Variants in FAM184A observed in about 807,000 individuals in gnomAD.
FAM184A encodes protein FAM184A.
FAM184A carries 99 observed loss-of-function variants against 143.8 expected under a neutral mutation model. The observed-to-expected ratio is 0.69, with a 90% CI of 0.58 to 0.81. The LOEUF (loss-of-function observed/expected upper bound fraction) is 0.81. Ranked by LOEUF, FAM184A falls within the 40% of genes least tolerant of loss-of-function variation. The probability of loss-of-function intolerance (pLI) is 0.00; values close to 1 mark genes in which losing one functional copy is unlikely to be tolerated. For synonymous variants in FAM184A, 427 were observed against 446.4 expected, an observed-to-expected ratio of 0.96 and a Z score of 0.55; for missense variants, 1,217 against 1,310.5, an observed-to-expected ratio of 0.93 and a Z score of 1.10.
chr6:119,081,451 G>A (rs1788064095), upstream of FAM184A, among the ~76,000 whole-genome samples: 2 of 152,196 alleles, frequency 1.3e-5, no homozygotes, highest in Non-Finnish European at 2.9e-5. Context: ...GTCTAGGGGT[G>A]AATGTTTATA....
At chr6:119,049,246 G>A (rs7756475) in intron 1 of FAM184A, among the ~76,000 whole-genome samples, 101,677 of 152,030 alleles carry the variant, frequency 0.67, 35,920 homozygotes, top group South Asian at 0.79. Context: ...TCAGGAGTTC[G>A]AGACCAGCCT....
chr6:119,074,099 C>G (rs1787786901), intron 1 of FAM184A, among the ~76,000 whole-genome samples: 1 of 152,142 alleles, frequency 6.6e-6, no homozygotes, highest in Admixed American at 6.5e-5. Context: ...AGAAGATTCA[C>G]CAGTGAAAGA....
intron 5 of FAM184A, among the ~76,000 whole-genome samples, chr6:119,015,633 C>T (rs893742990): frequency 3.3e-5 from 5 of 152,340 alleles, no homozygotes; most frequent in South Asian, 2.1e-4. Context: ...CTGTGCAACC[C>T]GAGCCTCCCC....
chr6:119,098,241 G>A (rs1326617807), intron 1 of FAM184A, among the ~76,000 whole-genome samples: 1 of 152,180 alleles, frequency 6.6e-6, no homozygotes, highest in Non-Finnish European at 1.5e-5. Context: ...GGTAAGACAT[G>A]CCTTTCGCCT....
intron 1 of FAM184A, among the ~76,000 whole-genome samples, chr6:119,139,873 A>G (rs1772159352): frequency 6.6e-6 from 1 of 152,198 alleles, no homozygotes; most frequent in South Asian, 2.1e-4. Context: ...TGCCAATTCA[A>G]TCACAGCAAG....
chr6:119,142,854 C>T (rs1291777613), intron 1 of FAM184A, among the ~76,000 whole-genome samples: 1 of 152,132 alleles, frequency 6.6e-6, no homozygotes, highest in South Asian at 2.1e-4. Context: ...AGGATAGCCC[C>T]AATCCAATTA....
chr6:119,064,619 TC>T (rs953059146), intron 1 of FAM184A, among the ~76,000 whole-genome samples: 1 of 152,124 alleles, frequency 6.6e-6, no homozygotes, highest in African/African-American at 2.4e-5. Context: ...GGTGGGAAGA[TC>T]CCTTGAGTCC....
chr6:118,967,673 G>A (rs1250317532), intron 14 of FAM184A, among the ~76,000 whole-genome samples: 3 of 152,166 alleles, frequency 2.0e-5, no homozygotes, highest in South Asian at 4.1e-4. Flanking sequence ...ATATAGGATG[G>A]GGCAGACTGA....
intron 7 of FAM184A, 150 bp from the exon 8 acceptor site, chr6:119,003,772 G>T: frequency 2.8e-6 from 2 of 714,570 alleles, no homozygotes; most frequent in Non-Finnish European, 4.0e-6. Context: ...AATGACTCAA[G>T]ATTTTCTGAA....
intron 5 of FAM184A, among the ~76,000 whole-genome samples, chr6:119,016,182 G>A (rs886901778): frequency 7.2e-5 from 11 of 152,232 alleles, no homozygotes; most frequent in Admixed American, 1.3e-4. Context: ...ACCAATCAGC[G>A]CCCTGACAAA....
intron 14 of FAM184A, among the ~76,000 whole-genome samples, chr6:118,969,805 A>AC (rs5879477): frequency 0.28 from 26,095 of 94,106 alleles, 2,841 homozygotes; most frequent in East Asian, 0.31. Context: ...CCTGCCCCCC[A>AC]CCCCGTGACA....
chr6:119,131,726 C>T (rs1789540270), intron 1 of FAM184A, among the ~76,000 whole-genome samples: 1 of 151,928 alleles, frequency 6.6e-6, no homozygotes, highest in East Asian at 1.9e-4. Flanking sequence ...TCAAGCCATC[C>T]CCCCACCCAG....
rs76735490 is a variant in FAM184A at position 119,008,068 on chromosome 6, G to A, written c.1654-1460C>T. The stretch of plus-strand genomic sequence containing the variant: ...ACTTCAAACTTCTGCAAAGTTAAAT[G>A]TAATAAAATATAAAAAGCAAATAAG... On this transcript the variant is annotated intron_variant, in intron 6 of 17. Coordinates refer to ENST00000338891, the MANE Select transcript of FAM184A (RefSeq NM_024581.6). Among the ~76,000 whole-genome samples the A allele has an allele frequency of 1.2e-4, 18 of 152,310 alleles. No homozygotes were observed. In the East Asian group the frequency reaches 3.5e-3, roughly 29 times the overall value.
At chr6:119,054,238 A>C (rs982566659) in intron 1 of FAM184A, among the ~76,000 whole-genome samples, 28 of 152,372 alleles carry the variant, frequency 1.8e-4, no homozygotes, top group Middle Eastern at 3.4e-3. Context: ...AATCAAAATG[A>C]ATCACGCTAG....
At position 119,148,669 on chromosome 6, in the gene FAM184A, C is replaced by G. The variant is rs545118941; in HGVS notation, c.-202+409G>C. 3.3e-5 allele frequency among the ~76,000 whole-genome samples: 5 copies of G among 152,156 alleles called. No individual in the cohort carries two copies. The East Asian group carries it at 7.7e-4, about 23-fold the overall frequency. ...CATGAAACTGGAATCATTCAGTCAT[C>G]CTGCCAGGCTTAGATCCAGCAGAAT... On this transcript the variant is annotated intron_variant, in intron 1 of 16. Transcript: ENST00000352896.
Position 119,006,499 on chromosome 6 carries a change from T to G in FAM184A, c.1763A>C (p.Asp588Ala). ...DSQERLQNEL[D>A]LTKDSLKETK... ...CTCCTTTAGGCTGTCTTTAGTCAAG[T>G]CAAGCTCATTCTGAAGCCTTTCCTG... The change falls in exon 7 of 18, where the codon GAC becomes GCC. Residue 588 changes from aspartate (D) to alanine (A), a missense_variant. Physicochemically the swap from Asp to Ala is moderately radical, Grantham distance 126 (BLOSUM62 -2). Transcript: ENST00000338891. 1 of 1,614,092 alleles carries G rather than the reference T, an allele frequency of 6.2e-7. No individual in the cohort carries two copies. Among genetic ancestry groups the G allele is most frequent in the Non-Finnish European group, 8.5e-7 (1 of 1,179,958 alleles).
chr6:119,108,981 T>C (rs1788861637), intron 1 of FAM184A, among the ~76,000 whole-genome samples: 1 of 151,650 alleles, frequency 6.6e-6, no homozygotes, highest in Middle Eastern at 3.2e-3. Context: ...CTTCCTTTCA[T>C]GCCACAAACA....
intron 1 of FAM184A, among the ~76,000 whole-genome samples, chr6:119,089,991 A>T (rs1316149501): frequency 3.9e-5 from 6 of 152,120 alleles, no homozygotes; most frequent in Non-Finnish European, 5.9e-5. Context: ...AGTTAACTTC[A>T]TTTTCTCAAC....
chr6:118,971,937 C>T (rs183855251), intron 14 of FAM184A, among the ~76,000 whole-genome samples: 43 of 152,334 alleles, frequency 2.8e-4, no homozygotes, highest in African/African-American at 1.0e-3. Context: ...CATGTCCCTT[C>T]AGCCCCCAGC....
Sources: gnomAD v4.1 joint callset for allele counts (sites outside exome capture counted in the v4.1 genomes callset) on GRCh38, gnomAD v4.1.1 for gene constraint, MANE v1.5 for transcripts, NCBI Gene and HGNC (gene_info 2026-07-23, HGNC 2026-07-21) for gene names.